The following CPA6 variants were observed in gnomAD, a reference collection of about 807,000 sequenced individuals.
CPA6 encodes the protein carboxypeptidase A6.
Under a neutral mutation model 63.3 loss-of-function variants are expected in CPA6, and 58 were observed. The observed-to-expected ratio is 0.92, with a 90% CI of 0.74 to 1.14. The LOEUF is 1.14. Ranked by LOEUF, CPA6 falls within the 50% of genes most tolerant of loss-of-function variation. The probability of loss-of-function intolerance (pLI) is 0.00; values close to 1 mark genes in which losing one functional copy is unlikely to be tolerated. For synonymous variants in CPA6, 185 were observed against 179.0 expected (o/e 1.03, Z -0.27); for missense variants, 565 against 526.6 (o/e 1.07, Z -0.71).
chr8:67,505,792 T>C (rs1811914681), intron 6 of CPA6, among the ~76,000 whole-genome samples: 1 of 152,160 alleles, frequency 6.6e-6, no homozygotes, highest in East Asian at 1.9e-4. Flanking sequence ...GAGCTGTGTT[T>C]TCTAGGACCT....
At chr8:67,672,524 T>C (rs748938529) in intron 1 of CPA6, among the ~76,000 whole-genome samples, 1 of 152,132 alleles carries the variant, frequency 6.6e-6, no homozygotes, top group Non-Finnish European at 1.5e-5. Flanking sequence ...CATCGAGTCC[T>C]TTTACTCCAC....
Position 67,509,570 on chromosome 8 carries a change from G to C in CPA6, c.481C>G (p.His161Asp), listed in dbSNP as rs1205978716. 2.5e-6 allele frequency: 4 copies of C among 1,599,908 alleles called. No homozygotes were observed. Among genetic ancestry groups the C allele is most frequent in the Non-Finnish European group, 3.4e-6 (4 of 1,171,528 alleles). ...TATGATCTTCCAATAGAGAACATGT[G>C]AATGAGGCCTGAGTGAGTTTTATTC... ...HLNKTHSGLI[H>D]MFSIGRSYEG... The change falls in exon 5 of 11, where the codon CAC (histidine) becomes GAC (aspartate). Residue 161 changes from histidine to aspartate, a missense_variant. Transcript: ENST00000297770.
intron 1 of CPA6, among the ~76,000 whole-genome samples, chr8:67,692,962 G>A (rs1446237251): frequency 6.6e-6 from 1 of 152,154 alleles, no homozygotes; most frequent in Non-Finnish European, 1.5e-5. Context: ...AAAGGACACT[G>A]GCAGGGGACT....
At chr8:67,525,612 T>A (rs1812344475) in intron 2 of CPA6, among the ~76,000 whole-genome samples, 1 of 151,708 alleles carries the variant, frequency 6.6e-6, no homozygotes, top group African/African-American at 2.4e-5. Flanking sequence ...TGGGATAGCA[T>A]CTCTCATTTA....
intron 1 of CPA6, among the ~76,000 whole-genome samples, chr8:67,744,683 T>C (rs1171251877): frequency 2.6e-5 from 4 of 152,128 alleles, no homozygotes; most frequent in African/African-American, 9.7e-5. Flanking sequence ...GCCTGCACCA[T>C]CAGTCTTTAA....
At chr8:67,481,857 C>T (rs1360707235) in intron 8 of CPA6, among the ~76,000 whole-genome samples, 3 of 152,214 alleles carry the variant, frequency 2.0e-5, no homozygotes, top group African/African-American at 7.2e-5. Flanking sequence ...GCCTGCCTAT[C>T]GGATCAGCTG....
chr8:67,725,273 T>C (rs1817576034), intron 1 of CPA6, among the ~76,000 whole-genome samples: 1 of 152,222 alleles, frequency 6.6e-6, no homozygotes, highest in Non-Finnish European at 1.5e-5. Flanking sequence ...CAGGTGCTTT[T>C]TTTCTGCCTT....
intron 1 of CPA6, among the ~76,000 whole-genome samples, chr8:67,727,441 G>A (rs1434891510): frequency 6.6e-6 from 1 of 152,020 alleles, no homozygotes; most frequent in Non-Finnish European, 1.5e-5. Context: ...GTTCCCCACT[G>A]CCCCCCTTAA....
At chr8:67,487,045 CT>C (rs1381574143) in intron 6 of CPA6, among the ~76,000 whole-genome samples, 6 of 150,974 alleles carry the variant, frequency 4.0e-5, no homozygotes, top group Non-Finnish European at 7.4e-5. Flanking sequence ...ATTTTTTTTT[CT>C]GAATATATAT....
chr8:67,726,392 C>A (rs891622838), intron 1 of CPA6, among the ~76,000 whole-genome samples: 4 of 152,224 alleles, frequency 2.6e-5, no homozygotes, highest in African/African-American at 7.2e-5. Flanking sequence ...CCCTAGCCTT[C>A]TTTGGCAAAT....
intron 8 of CPA6, among the ~76,000 whole-genome samples, chr8:67,439,353 A>C (rs565556063): frequency 3.4e-4 from 51 of 151,870 alleles, no homozygotes; most frequent in African/African-American, 1.2e-3. Flanking sequence ...TTTGGGAGCC[A>C]AGGCAGGTGG....
At chr8:67,464,958 G>C (rs1810893370) in intron 8 of CPA6, among the ~76,000 whole-genome samples, 1 of 152,100 alleles carries the variant, frequency 6.6e-6, no homozygotes, top group Non-Finnish European at 1.5e-5. Flanking sequence ...CTCCAGCTTT[G>C]TTCTTTTTGC....
intron 2 of CPA6, among the ~76,000 whole-genome samples, chr8:67,531,060 G>A (rs990301517): frequency 6.6e-6 from 1 of 152,002 alleles, no homozygotes. Context: ...CTAGTTTTAT[G>A]GTATCTTAAA....
intron 8 of CPA6, among the ~76,000 whole-genome samples, chr8:67,448,639 G>GAAAAAAAAAAAAAAAAAAAAAAAAAA (rs61317091): frequency 3.4e-4 from 8 of 23,276 alleles, no homozygotes; most frequent in African/African-American, 8.4e-4. Flanking sequence ...CTCAAAAAAG[G>GAAAAAAAAAAAAAAAAAAAAAAAAAA]AAAAAAAAAA....
chr8:67,607,154 CTCT>C (rs1331172719), intron 2 of CPA6, among the ~76,000 whole-genome samples: 1 of 95,204 alleles, frequency 1.1e-5, no homozygotes, highest in African/African-American at 4.7e-5. Context: ...CCCCCCCCTC[CTCT>C]TCTTCTTCTT....
At chr8:67,535,806 C>T (rs570719211) in intron 2 of CPA6, among the ~76,000 whole-genome samples, 1 of 152,270 alleles carries the variant, frequency 6.6e-6, no homozygotes, top group African/African-American at 2.4e-5. Flanking sequence ...ATGGTATTGC[C>T]TAGGTTTTCT....
chr8:67,553,170 C>T (rs969514130), intron 2 of CPA6, among the ~76,000 whole-genome samples: 1 of 152,202 alleles, frequency 6.6e-6, no homozygotes, highest in Non-Finnish European at 1.5e-5. Flanking sequence ...AAGATTTTCA[C>T]ACCTGGCTGA....
In CPA6 at chr8:67,739,362, A is replaced by G. The variant is rs1817871664; in HGVS notation, c.116+6652T>C. ...TGTACTTTGAGCTAGTGCATAAGGAAAACTAAAAATATTCTACCATTAACA... is the reference window on the plus strand; with the variant it reads ...TGTACTTTGAGCTAGTGCATAAGGAGAACTAAAAATATTCTACCATTAACA... On this transcript the variant is annotated intron_variant, in intron 1 of 10. Transcript: ENST00000297770. Among the ~76,000 whole-genome samples the G allele has an allele frequency of 3.3e-5, 5 of 152,336 alleles. No individual in the cohort carries two copies. The Middle Eastern group carries it at 0.01, about 311-fold the overall frequency.
chr8:67,584,447 T>A (rs1219750379), intron 2 of CPA6, among the ~76,000 whole-genome samples: 3 of 151,760 alleles, frequency 2.0e-5, no homozygotes, highest in South Asian at 2.1e-4. Flanking sequence ...ATGCTAGGAG[T>A]GGCTGATTAA....
Sources: gnomAD v4.1 joint callset for allele counts (sites outside exome capture counted in the v4.1 genomes callset) on GRCh38, gnomAD v4.1.1 for gene constraint, MANE v1.5 for transcripts, NCBI Gene and HGNC (gene_info 2026-07-23, HGNC 2026-07-21) for gene names.